Variants in CNTN4 observed in about 807,000 individuals in gnomAD.
CNTN4 encodes contactin-4.
CNTN4 carries 77 observed loss-of-function variants against 122.5 expected under a neutral mutation model. The ratio of observed to expected loss-of-function variants is 0.63; its 90% confidence interval spans 0.52 to 0.76. The LOEUF (loss-of-function observed/expected upper bound fraction) is 0.76, where lower values mean the gene tolerates loss of function less well. CNTN4 is among the 30% of genes least tolerant of loss of function. The pLI, the probability that CNTN4 is intolerant of heterozygous loss-of-function variation, is 0.00. For missense variants in CNTN4, 1,256 were observed against 1,259.1 expected (o/e 1.00, Z 0.04); for synonymous variants, 512 against 447.0 (o/e 1.15, Z -1.83).
intron 23 of CNTN4, among the ~76,000 whole-genome samples, chr3:3,047,990 G>A (rs970744075): frequency 6.6e-6 from 1 of 152,174 alleles, no homozygotes; most frequent in Non-Finnish European, 1.5e-5. Context: ...CCAGATGGTA[G>A]GAAAGGACAC....
intron 4 of CNTN4, among the ~76,000 whole-genome samples, chr3:2,676,122 T>C (rs1344302095): frequency 6.6e-6 from 1 of 152,220 alleles, no homozygotes; most frequent in African/African-American, 2.4e-5. Context: ...ATTCCACTTT[T>C]ATCCCTCCCT....
chr3:2,163,836 CA>C (rs2036068854), intron 2 of CNTN4, among the ~76,000 whole-genome samples: 1 of 151,948 alleles, frequency 6.6e-6, no homozygotes. Context: ...ATTAAAAAGT[CA>C]AAAAATAATA....
At chr3:2,985,059 A>T (rs1164343460) in intron 13 of CNTN4, among the ~76,000 whole-genome samples, 1 of 152,212 alleles carries the variant, frequency 6.6e-6, no homozygotes, top group East Asian at 1.9e-4. Context: ...CGTAGCTGTG[A>T]TGTGAATGAA....
chr3:2,617,961 A>T (rs2081838102), intron 4 of CNTN4, among the ~76,000 whole-genome samples: 1 of 152,314 alleles, frequency 6.6e-6, no homozygotes, highest in Admixed American at 6.5e-5. Context: ...TTTCCAAGAG[A>T]TGGATGATGA....
At chr3:2,602,733 G>T (rs2081099376) in intron 4 of CNTN4, among the ~76,000 whole-genome samples, 1 of 152,114 alleles carries the variant, frequency 6.6e-6, no homozygotes, top group East Asian at 1.9e-4. Flanking sequence ...CTTATGTATA[G>T]ATAGCTTCAG....
chr3:2,760,525 A>G (rs1017944697), intron 6 of CNTN4, among the ~76,000 whole-genome samples: 6 of 152,092 alleles, frequency 3.9e-5, no homozygotes, highest in African/African-American at 1.2e-4. Flanking sequence ...AGGGCCCTCA[A>G]TTTCATTCCA....
chr3:2,640,829 A>T (rs903933934), intron 4 of CNTN4, among the ~76,000 whole-genome samples: 1 of 152,212 alleles, frequency 6.6e-6, no homozygotes, highest in Non-Finnish European at 1.5e-5. Context: ...CCTTCTAACA[A>T]TGCAGCTATT....
At chr3:2,433,704 G>A (rs74462765) in intron 3 of CNTN4, among the ~76,000 whole-genome samples, 1,945 of 152,252 alleles carry the variant, frequency 0.013, 39 homozygotes, top group South Asian at 0.068. Context: ...CCAGACCAAT[G>A]TTGCGGAGCA....
intron 6 of CNTN4, among the ~76,000 whole-genome samples, chr3:2,762,543 T>G (rs2090637974): frequency 6.6e-6 from 1 of 152,252 alleles, no homozygotes; most frequent in Admixed American, 6.5e-5. Flanking sequence ...GATCTCATTG[T>G]GTATGTACCA....
At chr3:2,925,974 A>G (rs1021438554) in intron 13 of CNTN4, among the ~76,000 whole-genome samples, 195 bp downstream of exon 13, 4 of 152,180 alleles carry the variant, frequency 2.6e-5, no homozygotes, top group Admixed American at 2.0e-4. Context: ...GAATTCTACA[A>G]AGCACTCCGT....
intron 3 of CNTN4, among the ~76,000 whole-genome samples, chr3:2,525,733 GCTTT>G (rs1386294872): frequency 6.6e-6 from 1 of 152,056 alleles, no homozygotes; most frequent in African/African-American, 2.4e-5. Context: ...TCAAATTCTG[GCTTT>G]CTAAGAATAT....
In CNTN4 at chr3:2,721,082, G is replaced by A. The variant is rs756226716; in HGVS notation, c.56-15133G>A. Among the ~76,000 whole-genome samples the A allele has an allele frequency of 3.9e-5, 6 of 152,052 alleles. No homozygotes were observed. The East Asian group carries it at 7.8e-4, about 20-fold the overall frequency. Reference sequence around the variant, plus strand: ...CCACCTCCCAGGTTCAGCAATTCTCGTGTCTCAGCCTCCCGAGCAGCTGGG... The same window carrying A: ...CCACCTCCCAGGTTCAGCAATTCTCATGTCTCAGCCTCCCGAGCAGCTGGG... On this transcript the variant is annotated intron_variant, in intron 4 of 24. Transcript: ENST00000418658.
chr3:2,971,924 G>A (rs1195241089), intron 13 of CNTN4, among the ~76,000 whole-genome samples: 1 of 152,154 alleles, frequency 6.6e-6, no homozygotes, highest in Non-Finnish European at 1.5e-5. Context: ...ACATTATGTG[G>A]AGATAGGTAT....
At chr3:2,828,038 T>C (rs2093023909) in intron 7 of CNTN4, among the ~76,000 whole-genome samples, 3 of 152,110 alleles carry the variant, frequency 2.0e-5, no homozygotes, top group South Asian at 4.1e-4. Context: ...GGGAACATGA[T>C]TGAAGGTACA....
chr3:2,336,615 C>T (rs1163253992), intron 2 of CNTN4, among the ~76,000 whole-genome samples: 1 of 152,124 alleles, frequency 6.6e-6, no homozygotes, highest in African/African-American at 2.4e-5. Context: ...GAAACTTAAA[C>T]TAGCTCACAT....
intron 4 of CNTN4, among the ~76,000 whole-genome samples, chr3:2,619,726 G>C (rs1388920590): frequency 2.0e-5 from 3 of 152,134 alleles, no homozygotes; most frequent in African/African-American, 7.2e-5. Context: ...AAGAACATGA[G>C]GGAACAAGCA....
At chr3:2,114,084 G>A (rs1051446708) in intron 2 of CNTN4, among the ~76,000 whole-genome samples, 2 of 152,108 alleles carry the variant, frequency 1.3e-5, no homozygotes, top group African/African-American at 4.8e-5. Flanking sequence ...TAGTTTCATC[G>A]AGATGATGGG....
intron 4 of CNTN4, among the ~76,000 whole-genome samples, chr3:2,635,840 G>A (rs556815997): frequency 1.1e-4 from 16 of 152,142 alleles, no homozygotes; most frequent in African/African-American, 3.9e-4. Flanking sequence ...CAACCATCAG[G>A]TCTCCCAGAT....
At chr3:2,584,661 T>G (rs1293677590) in intron 4 of CNTN4, among the ~76,000 whole-genome samples, 1 of 131,112 alleles carries the variant, frequency 7.6e-6, no homozygotes, top group East Asian at 2.2e-4. Context: ...CGTGCCACTG[T>G]ACTCCAGCCT....
Sources: allele counts gnomAD v4.1 joint callset (sites outside exome capture counted in the v4.1 genomes callset), GRCh38; gene constraint gnomAD v4.1.1; transcripts MANE v1.5; gene names NCBI Gene and HGNC (gene_info 2026-07-23, HGNC 2026-07-21).